Variants in FGFR3 observed in about 807,000 individuals in gnomAD.
FGFR3 encodes fibroblast growth factor receptor 3, also known as FGFR-3.
A neutral mutation model predicts 82.9 loss-of-function variants in FGFR3; 25 were observed. That is an observed-to-expected ratio of 0.30 (90% confidence interval 0.22 to 0.42). FGFR3 has a LOEUF of 0.42. Ranked by LOEUF, FGFR3 falls within the 10% of genes least tolerant of loss-of-function variation. The probability of loss-of-function intolerance (pLI) is 1.00; values close to 1 mark genes in which losing one functional copy is unlikely to be tolerated. For missense variants in FGFR3, 1,026 were observed against 1,161.0 expected, an observed-to-expected ratio of 0.88 and a Z score of 1.69; for synonymous variants, 620 against 516.0, an observed-to-expected ratio of 1.20 and a Z score of -2.73.
At position 1,804,982 on chromosome 4, in the gene FGFR3, G is replaced by T; in HGVS notation, c.1412+13G>T. The T allele has an allele frequency of 6.5e-7, 1 of 1,543,166 alleles. No homozygotes were observed. The highest frequency in any genetic ancestry group is 2.4e-5 in the East Asian group (1 of 41,106). On this transcript the variant is annotated intron_variant, in intron 10 of 17. Transcript: ENST00000440486. ...TGTCTCGGGCCCGGTCAGTGGTGCT[G>T]AGGGCCAGCGTTGGCTGTAGGGGGC...
At chr4:1,804,560 G>A (rs749371243) in intron 9 of FGFR3, 40 bp downstream of exon 9, 21 of 1,606,350 alleles carry the variant, frequency 1.3e-5, no homozygotes, top group South Asian at 3.3e-5. Context: ...CTGCCTGCCC[G>A]CCAGGCCTCC....
chr4:1,801,272 TG>T, intron 4 of FGFR3, 94 bp from the exon 5 acceptor site: 1 of 1,362,964 alleles, frequency 7.3e-7, no homozygotes, highest in Non-Finnish European at 1.0e-6. Context: ...AAACTGAGGC[TG>T]GGGATGGGCA....
At chr4:1,797,175 C>G (rs907050266) in intron 2 of FGFR3, among the ~76,000 whole-genome samples, 1 of 152,112 alleles carries the variant, frequency 6.6e-6, no homozygotes, top group Non-Finnish European at 1.5e-5. Context: ...AGAAAGAACC[C>G]TTCCTAGGGC....
Position 1,799,408 on chromosome 4 carries a change from G to A in FGFR3, c.264G>A (p.Leu88=), listed in dbSNP as rs2108773267. 1.2e-6 allele frequency: 2 copies of A among 1,612,090 alleles called. No individual in the cohort carries two copies. Among genetic ancestry groups the A allele is most frequent in the East Asian group, 2.2e-5 (1 of 44,872 alleles). ...GTGLVPSERV[L]VGPQRLQVLN... ...GGCTGGTGCCCTCGGAGCGTGTCCTGGTGGGGCCCCAGCGGCTGCAGGTGC... is the reference window on the plus strand; with the variant it reads ...GGCTGGTGCCCTCGGAGCGTGTCCTAGTGGGGCCCCAGCGGCTGCAGGTGC... The change falls in exon 3 of 18, where the codon CTG becomes CTA. Residue 88 remains leucine (L), a synonymous_variant. Transcript: ENST00000440486.
Position 1,807,718 on chromosome 4 carries a change from C to T in FGFR3, c.*456C>T. On this transcript the variant is annotated 3_prime_UTR_variant, in exon 18 of 18. Transcript: ENST00000440486. ...CAGGGAAGCCCCACATGTCCAGCAC[C>T]TTGTGCCTGGGGTGTTAGTGGCACC... 3 of 611,810 alleles carry T rather than the reference C, an allele frequency of 4.9e-6. No individual in the cohort carries two copies. The highest frequency in any genetic ancestry group is 1.8e-5 in the Admixed American group (1 of 54,312). 37.9% of individuals were successfully genotyped at this position (611,810 alleles called of 1,614,324 possible).
intron 4 of FGFR3, among the ~76,000 whole-genome samples, chr4:1,800,454 T>C (rs1340403795): frequency 6.6e-6 from 1 of 151,968 alleles, no homozygotes; most frequent in Non-Finnish European, 1.5e-5. Context: ...AGTTACGACT[T>C]GCGGACTGAT....
chr4:1,793,525 G>C (rs1313569483), intron 1 of FGFR3, 60 bp downstream of exon 1: 4 of 149,622 alleles, frequency 2.7e-5, no homozygotes, highest in African/African-American at 9.7e-5. Context: ...CGGAGGGGTC[G>C]GGGCGCGGCT....
At chr4:1,803,908 C>T (rs1286911193) in intron 8 of FGFR3, 72 bp downstream of exon 8, 16 of 1,493,662 alleles carry the variant, frequency 1.1e-5, no homozygotes, top group Non-Finnish European at 1.5e-5. Context: ...CCAAAGCTGC[C>T]AGGACGGACG....
rs1051893046 is a variant in FGFR3 at position 1,802,117 on chromosome 4, G to A, written c.930+92G>A. 1.3e-5 allele frequency: 18 copies of A among 1,414,578 alleles called. No homozygotes were observed. The Admixed American group carries it at 1.4e-4, about 11-fold the overall frequency. 87.6% of individuals were successfully genotyped at this position (1,414,578 alleles called of 1,614,324 possible). A position where few individuals can be genotyped will look rare whatever the true frequency, so the allele number is the denominator to read the frequency against. On this transcript the variant is annotated intron_variant, in intron 7 of 17. Transcript: ENST00000440486. ...GGCTGCGGGTTGCGTGAGGATTTGG[G>A]TCTAGGGGTTGGAGCTTCGGGGGCA...
At chr4:1,806,005 GGGAGAGGT>G in intron 13 of FGFR3, 38 bp from the exon 14 acceptor site, 7 of 1,612,126 alleles carry the variant, frequency 4.3e-6, no homozygotes, top group Non-Finnish European at 5.9e-6. Flanking sequence ...GGGAGCAGCG[GGGAGAGGT>G]GGAGAGGCTT....
In FGFR3 at chr4:1,808,060, C is replaced by T. The variant is rs3135904; in HGVS notation, c.*798C>T. 0.93 allele frequency: 216,372 copies of T among 233,084 alleles called. 102,130 individuals are homozygous for T. Among genetic ancestry groups the T allele is most frequent in the Non-Finnish European group, 0.99 (117,281 of 118,094 alleles). 14.4% of individuals were successfully genotyped at this position (233,084 alleles called of 1,614,324 possible). On this transcript the variant is annotated 3_prime_UTR_variant, in exon 18 of 18. Transcript: ENST00000440486. ...ACCCATGCAAGCAGAGGACCAGGGC[C>T]TTTTCTGGCACCGCAGTTTTGTTTT...
chr4:1,802,405 T>C (rs1270369259), intron 7 of FGFR3, among the ~76,000 whole-genome samples: 4 of 152,148 alleles, frequency 2.6e-5, no homozygotes, highest in Admixed American at 6.5e-5. Flanking sequence ...ACCTGGCCGA[T>C]TGGCTCTCGT....
intron 4 of FGFR3, among the ~76,000 whole-genome samples, chr4:1,800,421 A>C (rs1400729370): frequency 1.3e-5 from 2 of 152,002 alleles, no homozygotes; most frequent in Non-Finnish European, 2.9e-5. Context: ...GGTGAGGGTC[A>C]TCGTGGCACA....
intron 8 of FGFR3, 63 bp downstream of exon 8, chr4:1,803,899 C>A: frequency 6.5e-7 from 1 of 1,532,968 alleles, no homozygotes; most frequent in Non-Finnish European, 9.0e-7. Flanking sequence ...CGGGACACGC[C>A]AAAGCTGCCA....
At chr4:1,803,955 C>G (rs914351027) in intron 8 of FGFR3, 119 bp downstream of exon 8, 2 of 1,176,764 alleles carry the variant, frequency 1.7e-6, no homozygotes, top group Non-Finnish European at 2.5e-6. Context: ...GCTTCTTGAG[C>G]CCTCACTCCT....
Position 1,801,875 on chromosome 4 carries a change from G to A in FGFR3, c.780G>A (p.Pro260=), listed in dbSNP as rs754448711. 4.0e-5 allele frequency: 64 copies of A among 1,609,314 alleles called. No homozygotes were observed. In the South Asian group the frequency reaches 4.2e-4, roughly 11 times the overall value. The change falls in exon 7 of 18, where the codon CCG becomes CCA. Residue 260 remains proline (P), a synonymous_variant. Coordinates refer to ENST00000440486, the MANE Select transcript of FGFR3 (RefSeq NM_000142.5). ...GGCCCATCCTGCAGGCGGGGCTGCC[G>A]GCCAACCAGACGGCGGTGCTGGGCA... ...PHRPILQAGL[P]ANQTAVLGSD... is the part of the protein sequence containing the mutation.
Position 1,794,003 on chromosome 4 carries a change from G to C in FGFR3, c.69G>C (p.Glu23Asp). 1 of 1,402,756 alleles carries C rather than the reference G, an allele frequency of 7.1e-7. No individual in the cohort carries two copies. Among genetic ancestry groups the C allele is most frequent in the Non-Finnish European group, 9.4e-7 (1 of 1,066,548 alleles). 86.9% of individuals were successfully genotyped at this position (1,402,756 alleles called of 1,614,324 possible). Residue 23 changes from glutamate (E) to aspartate (D), a missense_variant, in exon 2 of 18, where the codon GAG becomes GAC. Glu to Asp is a conservative substitution (Grantham distance 45). Transcript: ENST00000440486. ...CCATCGTGGCCGGCGCCTCCTCGGA[G>C]TCCTTGGGGACGGAGCAGCGCGTCG... is the stretch of plus-strand genomic sequence containing the variant. The part of the protein sequence containing the change: ...AVAIVAGASS[E>D]SLGTEQRVVG...
At chr4:1,799,844 G>A (rs751913990) in intron 4 of FGFR3, 32 bp downstream of exon 4, 17 of 1,609,162 alleles carry the variant, frequency 1.1e-5, no homozygotes, top group East Asian at 2.2e-5. Flanking sequence ...CAGGCCAGCC[G>A]GGGTGGGGCC....
chr4:1,800,905 G>A (rs1721097465), intron 4 of FGFR3, among the ~76,000 whole-genome samples: 1 of 152,212 alleles, frequency 6.6e-6, no homozygotes, highest in Admixed American at 6.5e-5. Flanking sequence ...AGAGGGTGGT[G>A]TAGGGTCTTG....
Sources: gnomAD v4.1 joint callset for allele counts (sites outside exome capture counted in the v4.1 genomes callset) on GRCh38, gnomAD v4.1.1 for gene constraint, MANE v1.5 for transcripts, NCBI Gene and HGNC (gene_info 2026-07-23, HGNC 2026-07-21) for gene names.